The following UNC79 variants were observed in gnomAD, a reference collection of about 807,000 sequenced individuals.
UNC79 encodes the protein protein unc-79 homolog.
In UNC79, 37 loss-of-function variants were observed where a neutral mutation model predicts 283.1. The observed-to-expected ratio is 0.13, with a 90% CI of 0.10 to 0.17. The LOEUF is 0.17. UNC79 is among the 10% of genes least tolerant of loss of function. The pLI is 1.00. For synonymous variants in UNC79, 1,107 were observed against 1,200.2 expected, an observed-to-expected ratio of 0.92 and a Z score of 1.61; for missense variants, 2,272 against 3,211.1, an observed-to-expected ratio of 0.71 and a Z score of 7.07.
chr14:93,430,565 C>G lies in UNC79; in HGVS notation c.-465C>G, dbSNP rs1186048215. 6.5e-6 allele frequency: 1 copy of G among 154,130 alleles called. No homozygotes were observed. The highest frequency in any genetic ancestry group is 1.4e-5 in the Non-Finnish European group (1 of 69,298). The allele number at this position is 154,130 out of a possible 1,614,324, so 9.5% of individuals were successfully genotyped here. ...TGCTCCGGGAGCAGGATTTACAGGC[C>G]CGGAGAACGCCAATGGGAGATCCAA... is the stretch of plus-strand genomic sequence containing the variant. On this transcript the variant is annotated 5_prime_UTR_variant, in exon 1 of 49. Coordinates refer to ENST00000555664, the Ensembl canonical transcript of UNC79. This position sits in a 1 kb window ranked among gnomAD's most constrained non-coding sequence, Gnocchi z 4.6.
At chr14:93,584,584 CT>C (rs1423344982) in intron 20 of UNC79, among the ~76,000 whole-genome samples, 1 of 152,234 alleles carries the variant, frequency 6.6e-6, no homozygotes, top group Non-Finnish European at 1.5e-5. Context: ...AGCCTGTACT[CT>C]TTCTATGCAA....
chr14:93,655,430 T>C, intron 38 of UNC79, 23 bp downstream of exon 41: 1 of 1,607,134 alleles, frequency 6.2e-7, no homozygotes, highest in Non-Finnish European at 8.5e-7. Flanking sequence ...GAAGGTTTCA[T>C]TTTCAATTAA....
intron 7 of UNC79, among the ~76,000 whole-genome samples, chr14:93,514,856 A>G (rs998164939): frequency 1.3e-5 from 2 of 152,186 alleles, no homozygotes; most frequent in African/African-American, 4.8e-5. Context: ...ATCTATGCCC[A>G]ATGTCTGAAA....
intron 14 of UNC79, 117 bp from the exon 15 acceptor site, chr14:93,571,776 GA>G: frequency 9.8e-7 from 1 of 1,015,278 alleles, no homozygotes; most frequent in Non-Finnish European, 1.4e-6. Context: ...CTTGGCCTAG[GA>G]CTCAGACATG....
At chr14:93,587,029 T>A in intron 22 of UNC79, 121 bp downstream of exon 22, 2 of 1,185,520 alleles carry the variant, frequency 1.7e-6, no homozygotes, top group Non-Finnish European at 2.3e-6. Context: ...ACAGCTCGAT[T>A]GCCTATGATA....
chr14:93,574,007 A>C (rs976514209), intron 16 of UNC79, among the ~76,000 whole-genome samples: 1 of 152,230 alleles, frequency 6.6e-6, no homozygotes, highest in Admixed American at 6.5e-5. Flanking sequence ...CCTGTCTCAA[A>C]AAACAAACAA....
chr14:93,532,512 C>T (rs996517181), intron 10 of UNC79, 38 bp from the exon 11 acceptor site: 2 of 1,599,198 alleles, frequency 1.3e-6, no homozygotes, highest in South Asian at 1.2e-5. Flanking sequence ...GAGGGGCTCT[C>T]TTTCTTTGTT....
chr14:93,499,599 C>G (rs147901413), intron 7 of UNC79, among the ~76,000 whole-genome samples: 1 of 152,142 alleles, frequency 6.6e-6, no homozygotes, highest in East Asian at 1.9e-4. Context: ...TTATTCTAGG[C>G]GCTTTTGGTG....
chr14:93,447,821 T>G (rs956628485), intron 1 of UNC79, among the ~76,000 whole-genome samples: 1 of 152,174 alleles, frequency 6.6e-6, no homozygotes, highest in Non-Finnish European at 1.5e-5. Context: ...CCTCTGGCCT[T>G]CTTGGTTTCA....
intron 9 of UNC79, 92 bp downstream of exon 9, chr14:93,528,738 G>C: frequency 8.2e-7 from 1 of 1,219,616 alleles, no homozygotes; most frequent in Non-Finnish European, 1.2e-6. Flanking sequence ...CATTGCTAAA[G>C]TTTCTCTCTA....
chr14:93,354,432 G>T (rs78941888), intron 1 of UNC79, among the ~76,000 whole-genome samples: 24 of 152,274 alleles, frequency 1.6e-4, no homozygotes, highest in African/African-American at 5.8e-4. Flanking sequence ...ATGCTCAAGT[G>T]GTAAGTATAA....
At chr14:93,485,924 T>C (rs2058398246) in intron 4 of UNC79, among the ~76,000 whole-genome samples, 2 of 152,220 alleles carry the variant, frequency 1.3e-5, no homozygotes, top group Admixed American at 1.3e-4. Flanking sequence ...AAGAAAAGAA[T>C]TGTGTTAATT....
intron 1 of UNC79, among the ~76,000 whole-genome samples, chr14:93,362,983 T>C (rs2054256349): frequency 6.6e-6 from 1 of 152,156 alleles, no homozygotes; most frequent in South Asian, 2.1e-4. Flanking sequence ...CTAGCTCTAA[T>C]ATGATTATTT....
upstream of UNC79, among the ~76,000 whole-genome samples, chr14:93,425,577 T>G (rs1020360634): frequency 3.2e-4 from 48 of 152,174 alleles, no homozygotes; most frequent in Admixed American, 2.7e-3. Context: ...TAGCCTCATA[T>G]ATACATAAAA....
intron 39 of UNC79, among the ~76,000 whole-genome samples, chr14:93,659,548 G>A (rs1337219676): frequency 6.6e-6 from 1 of 152,050 alleles, no homozygotes; most frequent in Non-Finnish European, 1.5e-5. Context: ...TTATCGTGTT[G>A]GTTCTTTGCT....
chr14:93,336,104 A>G (rs1388948806), intron 1 of UNC79, among the ~76,000 whole-genome samples: 1 of 151,950 alleles, frequency 6.6e-6, no homozygotes, highest in East Asian at 1.9e-4. Flanking sequence ...ATAACCATCC[A>G]CTGAAACCCA....
chr14:93,497,400 G>A (rs2059060031), intron 7 of UNC79, 114 bp downstream of exon 7: 2 of 1,324,260 alleles, frequency 1.5e-6, no homozygotes, highest in Non-Finnish European at 2.0e-6. Flanking sequence ...TATGCCTTTG[G>A]ACATGGTCAT....
At chr14:93,540,967 C>A in intron 13 of UNC79, 136 bp downstream of exon 13, 1 of 1,042,964 alleles carries the variant, frequency 9.6e-7, no homozygotes, top group Non-Finnish European at 1.4e-6. Flanking sequence ...GAAGCTATGG[C>A]AATAGCTGTC....
intron 7 of UNC79, among the ~76,000 whole-genome samples, chr14:93,499,344 C>G (rs2059174239): frequency 6.6e-6 from 1 of 152,180 alleles, no homozygotes; most frequent in Non-Finnish European, 1.5e-5. Flanking sequence ...TTTGACACTC[C>G]TTCCCATTCG....
Sources: gnomAD v4.1 joint callset for allele counts (sites outside exome capture counted in the v4.1 genomes callset) on GRCh38, gnomAD v4.1.1 for gene constraint, Gnocchi (gnomAD v3.1) non-coding constraint, MANE v1.5 for transcripts, NCBI Gene and HGNC (gene_info 2026-07-23, HGNC 2026-07-21) for gene names.